The following FBN3 variants were observed in gnomAD, a reference collection of about 807,000 sequenced individuals.
FBN3 encodes fibrillin 3.
FBN3 carries 234 observed loss-of-function variants against 330.1 expected under a neutral mutation model. The ratio of observed to expected loss-of-function variants is 0.71; its 90% CI spans 0.64 to 0.79. The LOEUF (loss-of-function observed/expected upper bound fraction) is 0.79. FBN3 is among the 30% of genes least tolerant of loss of function. The pLI, the probability that FBN3 is intolerant of heterozygous loss-of-function variation, is 0.00. For synonymous variants in FBN3, 1,458 were observed against 1,517.3 expected, an observed-to-expected ratio of 0.96 and a Z score of 0.91; for missense variants, 3,606 against 3,886.9, an observed-to-expected ratio of 0.93 and a Z score of 1.92.
Position 8,069,371 on chromosome 19 carries a change from CTG to C in FBN3, c.8088+2675_8088+2676del, listed in dbSNP as rs1256799364. Among the ~76,000 whole-genome samples the C allele has an allele frequency of 2.0e-5, 3 of 152,210 alleles. No individual in the cohort carries two copies. The East Asian group carries it at 5.8e-4, about 29-fold the overall frequency. ...CGTATCCAACCCCACAGAAAGTCAT[CTG>C]TGTTTTCTTTGCCTTTGTTTTAGGG... On this transcript the variant is annotated intron_variant, in intron 63 of 63. Transcript: ENST00000600128.
chr19:8,089,787 G>A, intron 50 of FBN3, 107 bp downstream of exon 50: 1 of 1,545,112 alleles, frequency 6.5e-7, no homozygotes, highest in Non-Finnish European at 8.8e-7. Flanking sequence ...CAGGGTCCAG[G>A]GCCACCCAGG....
intron 26 of FBN3, among the ~76,000 whole-genome samples, chr19:8,118,067 A>C (rs2082750062): frequency 1.3e-5 from 2 of 151,616 alleles, no homozygotes; most frequent in South Asian, 2.1e-4. Flanking sequence ...ACACACACCC[A>C]TGTGCACACT....
chr19:8,149,158 T>C lies in FBN3; in HGVS notation c.-18+291A>G, dbSNP rs1052277304. ...CGCCCCCGGAGCCCGCGGGGCGCGA[T>C]CTCCACCCGGCAGGGCCCCCGGCCG... On this transcript the variant is annotated intron_variant, in intron 1 of 63. Coordinates refer to ENST00000600128, the MANE Select transcript of FBN3 (RefSeq NM_032447.5). The surrounding 1 kb of genome is among the most constrained non-coding windows in gnomAD (Gnocchi z 5.5). Among the ~76,000 whole-genome samples, 12 of 151,610 alleles carry C rather than the reference T, an allele frequency of 7.9e-5. No homozygotes were observed. The highest frequency in any genetic ancestry group is 1.6e-4 in the Non-Finnish European group (11 of 67,850).
At chr19:8,082,770 A>C (rs2081835269) in intron 57 of FBN3, among the ~76,000 whole-genome samples, 1 of 151,144 alleles carries the variant, frequency 6.6e-6, no homozygotes, top group Non-Finnish European at 1.5e-5. Flanking sequence ...CTGGGATTAC[A>C]AGCATGAGCT....
chr19:8,104,671 C>T (rs766478239), intron 38 of FBN3, among the ~76,000 whole-genome samples: 1 of 152,014 alleles, frequency 6.6e-6, no homozygotes, highest in East Asian at 1.9e-4. Flanking sequence ...TCAATCTGGT[C>T]ATTACTCTAG....
At chr19:8,123,656 C>T in intron 23 of FBN3, 67 bp from the exon 24 acceptor site, 2 of 1,604,540 alleles carry the variant, frequency 1.2e-6, no homozygotes, top group African/African-American at 1.3e-5. Flanking sequence ...CAAGCCCTCC[C>T]TGGGTTCTTA....
chr19:8,117,497 A>G lies in FBN3; in HGVS notation c.3430T>C (p.Phe1144Leu), dbSNP rs1237863262. The change falls in exon 27 of 64, where the codon TTC becomes CTC. Residue 1144 changes from phenylalanine to leucine, a missense_variant. Phe to Leu is a conservative substitution (Grantham distance 22, BLOSUM62 0). Coordinates refer to ENST00000600128, the MANE Select transcript of FBN3 (RefSeq NM_032447.5). The stretch of plus-strand genomic sequence containing the variant: ...CCCTGGCGGTCAGGTGTGCTCTGGA[A>G]GCCGGCATGGCAGGAGCACTGGAAG... ...GAFQCSCHAG[F>L]QSTPDRQGCV... is the part of the protein sequence containing the mutation. 1 of 1,560,416 alleles carries G rather than the reference A, an allele frequency of 6.4e-7. No individual in the cohort carries two copies. Among genetic ancestry groups the G allele is most frequent in the East Asian group, 2.4e-5 (1 of 41,662 alleles).
In FBN3 at chr19:8,087,199, C is replaced by T. The variant is rs151278974; in HGVS notation, c.6632G>A (p.Cys2211Tyr). The T allele has an allele frequency of 6.9e-6, 11 of 1,596,184 alleles. No homozygotes were observed. Among genetic ancestry groups the T allele is most frequent in the African/African-American group, 1.3e-5 (1 of 74,296 alleles). The change falls in exon 54 of 64, where the codon TGT becomes TAT. Residue 2211 changes from cysteine to tyrosine, a missense_variant. Physicochemically the swap from Cys to Tyr is radical, Grantham distance 194 (BLOSUM62 -2). Coordinates refer to ENST00000600128, the MANE Select transcript of FBN3 (RefSeq NM_032447.5). Reference protein sequence around the residue: ...DGAMCRDVDECADGQQDCHAR... With the variant: ...DGAMCRDVDEYADGQQDCHAR... ...GTGGCAGTCCTGCTGACCATCTGCACACTCGTCCACATCTTCGGATGACCA... is the reference window on the plus strand; with the variant it reads ...GTGGCAGTCCTGCTGACCATCTGCATACTCGTCCACATCTTCGGATGACCA...
Position 8,121,347 on chromosome 19 carries a change from T to C in FBN3, c.3122A>G (p.Gln1041Arg), listed in dbSNP as rs1426175478. 1 of 1,613,368 alleles carries C rather than the reference T, an allele frequency of 6.2e-7. No homozygotes were observed. The highest frequency in any genetic ancestry group is 1.1e-5 in the South Asian group (1 of 90,962). The change falls in exon 25 of 64, where the codon CAG becomes CGG. Residue 1041 changes from glutamine to arginine, a missense_variant. Transcript: ENST00000600128. The surrounding 1 kb of genome is among the most constrained non-coding windows in gnomAD (Gnocchi z 4.5). ...ECRISPDLCG[Q>R]GTCVNTPGSF... ...GCCCGGCGTGTTGACACAGGTGCCC[T>C]GGCCGCAGAGGTCAGGAGAGATGCG...
At chr19:8,068,325 A>C (rs560609542) in intron 63 of FBN3, among the ~76,000 whole-genome samples, 1 of 150,946 alleles carries the variant, frequency 6.6e-6, no homozygotes, top group Admixed American at 6.6e-5. Context: ...CAGGAGGCGG[A>C]GCTTGCAGTG....
chr19:8,130,529 A>AAGAC (rs1030207866), intron 16 of FBN3, among the ~76,000 whole-genome samples: 1 of 117,806 alleles, frequency 8.5e-6, no homozygotes, highest in African/African-American at 3.5e-5. Flanking sequence ...GAAAGAAAGA[A>AAGAC]AGAAAAGAAA....
At position 8,096,783 on chromosome 19, in the gene FBN3, T is replaced by A; in HGVS notation, c.5413+98A>T. ...TACATCCCCCACCCCCCTAATAGTA[T>A]AGAAAAGGAGAAAGACCTGGACAGA... On this transcript the variant is annotated intron_variant, in intron 43 of 63. Transcript: ENST00000600128. This position sits in a 1 kb window ranked among gnomAD's most constrained non-coding sequence, Gnocchi z 4.6. The A allele has an allele frequency of 1.4e-6, 2 of 1,416,934 alleles. No homozygotes were observed. Among genetic ancestry groups the A allele is most frequent in the Non-Finnish European group, 9.6e-7 (1 of 1,037,754 alleles). The allele number at this position is 1,416,934 out of a possible 1,614,324, so 87.8% of individuals were successfully genotyped here.
At position 8,083,292 on chromosome 19, in the gene FBN3, A is replaced by G. The variant is rs2144636728; in HGVS notation, c.7168T>C (p.Cys2390Arg). ...GCATCCGGTGTGTACCCGGCCTGAC[A>G]GTGGCAGCGGAAGGAGCCAAGGCTG... ...INSLGSFRCH[C>R]QAGYTPDATA... is the part of the protein sequence containing the mutation. The change falls in exon 57 of 64, where the codon TGT (cysteine) becomes CGT (arginine). Residue 2390 changes from cysteine to arginine, a missense_variant. By Grantham distance (180) the Cys-to-Arg change is radical (BLOSUM62 -3). Transcript: ENST00000600128. The G allele has an allele frequency of 3.7e-6, 6 of 1,614,150 alleles. No individual in the cohort carries two copies. The highest frequency in any genetic ancestry group is 1.3e-5 in the African/African-American group (1 of 75,066).
At chr19:8,091,844 C>G (rs909739592) in intron 47 of FBN3, among the ~76,000 whole-genome samples, 1 of 152,154 alleles carries the variant, frequency 6.6e-6, no homozygotes, top group African/African-American at 2.4e-5. Context: ...TGAAACTGCA[C>G]ATAGTACAAC....
intron 18 of FBN3, among the ~76,000 whole-genome samples, chr19:8,128,591 T>G (rs2083049963): frequency 6.6e-6 from 1 of 151,532 alleles, no homozygotes; most frequent in South Asian, 2.1e-4. Flanking sequence ...TACGTGTGTA[T>G]GTAAATGTGA....
chr19:8,133,612 G>A (rs1053470997), intron 13 of FBN3, among the ~76,000 whole-genome samples: 3 of 151,944 alleles, frequency 2.0e-5, no homozygotes, highest in South Asian at 2.1e-4. Context: ...CACCACGCCC[G>A]GCTAATTGTT....
intron 59 of FBN3, 22 bp downstream of exon 59, chr19:8,080,981 G>A (rs1568362610): frequency 2.6e-6 from 4 of 1,554,450 alleles, no homozygotes; most frequent in Non-Finnish European, 3.5e-6. Flanking sequence ...TCACCTCCCG[G>A]TGAGGGGCAA....
rs1406936263 is a variant in FBN3 at position 8,126,298 on chromosome 19, A to G, written c.2604T>C (p.Asp868=). Residue 868 remains aspartate (D), a splice_region_variant and synonymous_variant, in exon 21 of 64, where the codon GAT becomes GAC. Transcript: ENST00000600128. The stretch of plus-strand genomic sequence containing the variant: ...AGCTGGACACGGGCAGGCAGTTACC[A>G]TCGCAGGTGACACCCGTCATCCGGG... ...GFARMTGVTC[D]DVNECESFPG... is the part of the protein sequence containing the mutation. 1 of 1,587,212 alleles carries G rather than the reference A, an allele frequency of 6.3e-7. No homozygotes were observed. The highest frequency in any genetic ancestry group is 1.3e-5 in the African/African-American group (1 of 74,848).
chr19:8,129,445 CAGGGGT>C lies in FBN3; in HGVS notation c.2045-86_2045-81del. 6.4e-7 allele frequency: 1 copy of C among 1,562,634 alleles called. No individual in the cohort carries two copies. The highest frequency in any genetic ancestry group is 8.7e-7 in the Non-Finnish European group (1 of 1,148,734). On this transcript the variant is annotated intron_variant, in intron 16 of 63. Coordinates refer to ENST00000600128, the MANE Select transcript of FBN3 (RefSeq NM_032447.5). This position sits in a 1 kb window ranked among gnomAD's most constrained non-coding sequence, Gnocchi z 4.5. ...AGGAGGAGGGTGTGTCGCGGCGCACCAGGGGTCTCTAGAAGTCAGATTCCCCAAGGC... is the reference window on the plus strand; with the variant it reads ...AGGAGGAGGGTGTGTCGCGGCGCACCCTCTAGAAGTCAGATTCCCCAAGGC...
Sources: gnomAD v4.1 joint callset for allele counts (sites outside exome capture counted in the v4.1 genomes callset) on GRCh38, gnomAD v4.1.1 for gene constraint, Gnocchi (gnomAD v3.1) non-coding constraint, MANE v1.5 for transcripts, NCBI Gene and HGNC (gene_info 2026-07-23, HGNC 2026-07-21) for gene names.